Variants in SETBP1 observed in about 807,000 individuals in gnomAD.
SETBP1 encodes the protein SET-binding protein.
A neutral mutation model predicts 101.0 loss-of-function variants in SETBP1; 9 were observed. The observed-to-expected ratio is 0.09, with a 90% CI of 0.05 to 0.16. The LOEUF (loss-of-function observed/expected upper bound fraction) is 0.16, where lower values mean the gene tolerates loss of function less well. SETBP1 is among the 10% of genes least tolerant of loss of function. SETBP1 has a pLI of 1.00. For missense variants in SETBP1, 1,858 were observed against 2,033.8 expected (o/e 0.91, Z 1.66); for synonymous variants, 818 against 788.5 (o/e 1.04, Z -0.63).
rs2068754990 is a variant in SETBP1 at position 44,681,261 on chromosome 18, G to A, written c.-173+240G>A. On this transcript the variant is annotated intron_variant, in intron 1 of 5. Coordinates refer to ENST00000649279, the MANE Select transcript of SETBP1 (RefSeq NM_015559.3). ...GTGGTTTCCAGTGGGAAATCACTCCGGAAAGGGAACCCTTCGGTATCGATT... is the reference window on the plus strand; with the variant it reads ...GTGGTTTCCAGTGGGAAATCACTCCAGAAAGGGAACCCTTCGGTATCGATT... Among the ~76,000 whole-genome samples the A allele has an allele frequency of 3.3e-5, 5 of 152,262 alleles. 1 individual carries two copies. In the South Asian group the frequency reaches 1.0e-3, roughly 32 times the overall value.
intron 2 of SETBP1, among the ~76,000 whole-genome samples, chr18:44,724,101 G>A (rs1346669807): frequency 6.6e-6 from 1 of 152,198 alleles, no homozygotes; most frequent in African/African-American, 2.4e-5. Context: ...AAGTGGCACA[G>A]CTCACATGTT....
intron 4 of SETBP1, among the ~76,000 whole-genome samples, chr18:45,027,848 G>C: frequency 6.6e-6 from 1 of 152,068 alleles, no homozygotes. Flanking sequence ...TAAAATCAAG[G>C]AGAGCTCCAT....
intron 4 of SETBP1, among the ~76,000 whole-genome samples, chr18:44,954,935 TG>T (rs2071449868): frequency 6.6e-6 from 1 of 152,218 alleles, no homozygotes; most frequent in Non-Finnish European, 1.5e-5. Flanking sequence ...ACACTAGCTG[TG>T]GACAGAAGAT....
chr18:44,724,647 A>C (rs191298589), intron 2 of SETBP1, among the ~76,000 whole-genome samples: 19 of 152,222 alleles, frequency 1.2e-4, no homozygotes, highest in African/African-American at 3.4e-4. Context: ...CCAGCCCTGG[A>C]GTGGAGTGTC....
At position 44,951,536 on chromosome 18, in the gene SETBP1, A is replaced by G; in HGVS notation, c.2196A>G (p.Arg732=). The part of the protein sequence containing the change: ...YIGKKRGRKP[R]AELPPPSEEP... ...GCAAGAAGCGGGGCAGGAAGCCAAGAGCAGAGCTGCCACCCCCATCCGAAG... is the reference window on the plus strand; with the variant it reads ...GCAAGAAGCGGGGCAGGAAGCCAAGGGCAGAGCTGCCACCCCCATCCGAAG... The change falls in exon 4 of 6, where the codon AGA becomes AGG. Residue 732 remains arginine (R), a synonymous_variant. Transcript: ENST00000649279. The surrounding 1 kb of genome is among the most constrained non-coding windows in gnomAD (Gnocchi z 7.8). 6.2e-7 allele frequency: 1 copy of G among 1,614,138 alleles called. No homozygotes were observed. Among genetic ancestry groups the G allele is most frequent in the Non-Finnish European group, 8.5e-7 (1 of 1,180,032 alleles).
intron 2 of SETBP1, among the ~76,000 whole-genome samples, chr18:44,736,741 C>T (rs145088553): frequency 6.6e-6 from 1 of 152,158 alleles, no homozygotes; most frequent in African/African-American, 2.4e-5. Flanking sequence ...CTCTCATAAC[C>T]CACAGTGCAC....
intron 3 of SETBP1, among the ~76,000 whole-genome samples, chr18:44,884,773 A>T (rs1015505757): frequency 6.6e-6 from 1 of 152,128 alleles, no homozygotes; most frequent in Non-Finnish European, 1.5e-5. Context: ...GGCACCTCAA[A>T]GAGTTTTTTG....
intron 3 of SETBP1, among the ~76,000 whole-genome samples, chr18:44,931,774 T>C (rs558192073): frequency 9.5e-4 from 144 of 152,340 alleles, no homozygotes; most frequent in Admixed American, 4.4e-3. Flanking sequence ...CTGCTTTTTT[T>C]TGTTTTCCAT....
intron 2 of SETBP1, among the ~76,000 whole-genome samples, chr18:44,709,252 G>A (rs1274934354): frequency 6.6e-6 from 1 of 152,090 alleles, no homozygotes; most frequent in African/African-American, 2.4e-5. Flanking sequence ...AAATGCATCT[G>A]GCAGAGTAAC....
intron 5 of SETBP1, among the ~76,000 whole-genome samples, chr18:45,047,355 G>A (rs976735033): frequency 6.6e-6 from 1 of 152,134 alleles, no homozygotes; most frequent in African/African-American, 2.4e-5. Flanking sequence ...GACTCTTATG[G>A]GGCAGAGTTT....
chr18:44,984,011 GC>G (rs1246664669), intron 4 of SETBP1, among the ~76,000 whole-genome samples: 2 of 150,036 alleles, frequency 1.3e-5, no homozygotes, highest in Non-Finnish European at 3.0e-5. Flanking sequence ...GACCACCCCG[GC>G]TAACATGGTG....
chr18:44,775,460 G>C (rs2070978185), intron 2 of SETBP1, among the ~76,000 whole-genome samples: 1 of 152,128 alleles, frequency 6.6e-6, no homozygotes, highest in African/African-American at 2.4e-5. Flanking sequence ...CTGAGTTCCT[G>C]TAAGAATTCA....
intron 1 of SETBP1, among the ~76,000 whole-genome samples, chr18:44,687,805 C>G (rs1267797046): frequency 1.3e-5 from 2 of 152,078 alleles, no homozygotes; most frequent in Non-Finnish European, 2.9e-5. Flanking sequence ...TGTCATTTCT[C>G]CATGTAGATT....
At chr18:44,976,280 G>A (rs1212105653) in intron 4 of SETBP1, among the ~76,000 whole-genome samples, 7 of 152,192 alleles carry the variant, frequency 4.6e-5, no homozygotes, top group South Asian at 2.1e-4. Context: ...TTTACAGTCC[G>A]TATTAACCCT....
At chr18:44,781,926 A>T (rs1214642656) in intron 2 of SETBP1, among the ~76,000 whole-genome samples, 2 of 152,258 alleles carry the variant, frequency 1.3e-5, no homozygotes, top group Non-Finnish European at 2.9e-5. Flanking sequence ...AATACTGTTT[A>T]AATCAAACAC....
intron 2 of SETBP1, among the ~76,000 whole-genome samples, chr18:44,784,069 G>A (rs551391116): frequency 2.0e-5 from 3 of 152,196 alleles, no homozygotes; most frequent in Admixed American, 6.5e-5. Flanking sequence ...TTTGTCTTCC[G>A]ATCTGGAAGA....
intron 2 of SETBP1, among the ~76,000 whole-genome samples, chr18:44,831,734 A>C (rs1459785565): frequency 6.6e-6 from 1 of 152,222 alleles, no homozygotes; most frequent in Non-Finnish European, 1.5e-5. Flanking sequence ...AATGAAGGCT[A>C]TTGTTACTAT....
intron 3 of SETBP1, among the ~76,000 whole-genome samples, chr18:44,904,476 T>A (rs1320102987): frequency 6.6e-6 from 1 of 152,140 alleles, no homozygotes; most frequent in Admixed American, 6.6e-5. Flanking sequence ...GTCAAAGATG[T>A]CAATAAAGTT....
chr18:44,688,943 T>C (rs1461618727), intron 1 of SETBP1, among the ~76,000 whole-genome samples: 1 of 152,182 alleles, frequency 6.6e-6, no homozygotes, highest in Non-Finnish European at 1.5e-5. Flanking sequence ...GTACACTTGC[T>C]TGGGAAAGGC....
Sources: gnomAD v4.1 joint callset for allele counts (sites outside exome capture counted in the v4.1 genomes callset) on GRCh38, gnomAD v4.1.1 for gene constraint, Gnocchi (gnomAD v3.1) non-coding constraint, MANE v1.5 for transcripts, NCBI Gene and HGNC (gene_info 2026-07-23, HGNC 2026-07-21) for gene names.